Variants in BTBD3 observed in about 807,000 individuals in gnomAD.
BTBD3 encodes the protein BTB/POZ domain-containing protein 3.
Under a neutral mutation model 41.6 loss-of-function variants are expected in BTBD3, and 14 were observed. The ratio of observed to expected loss-of-function variants is 0.34; its 90% CI spans 0.22 to 0.53. The LOEUF is 0.53. Among genes scored for constraint, BTBD3 ranks in the 20% least tolerant of loss-of-function variants. BTBD3 has a pLI of 0.95. For synonymous variants in BTBD3, 249 were observed against 233.7 expected (o/e 1.07, Z -0.60); for missense variants, 426 against 654.7 (o/e 0.65, Z 3.81).
chr20:11,923,816 A>G lies in BTBD3; in HGVS notation c.*150A>G. 1.3e-6 allele frequency: 1 copy of G among 748,160 alleles called. No individual in the cohort carries two copies. Among genetic ancestry groups the G allele is most frequent in the Non-Finnish European group, 2.1e-6 (1 of 475,338 alleles). 46.3% of individuals were successfully genotyped at this position (748,160 alleles called of 1,614,324 possible). A position where few individuals can be genotyped will look rare whatever the true frequency, so the allele number is the denominator to read the frequency against. On this transcript the variant is annotated 3_prime_UTR_variant, in exon 4 of 4. Transcript: ENST00000378226. The surrounding 1 kb of genome is among the most constrained non-coding windows in gnomAD (Gnocchi z 5.3). ...GGTTCTAATTTCTTTTAACCTTTTAATTATGTACAGGCAAAAATGCAGCAT... is the reference window on the plus strand; with the variant it reads ...GGTTCTAATTTCTTTTAACCTTTTAGTTATGTACAGGCAAAAATGCAGCAT...
intron 3 of BTBD3, 104 bp from the exon 4 acceptor site, chr20:11,922,530 A>C: frequency 1.1e-6 from 1 of 945,008 alleles, no homozygotes; most frequent in Non-Finnish European, 1.6e-6. Context: ...TAACTGTCAC[A>C]TAAGATGATG....
In BTBD3 at chr20:11,918,141, C is replaced by T; in HGVS notation, c.-135C>T. Reference sequence around the variant, plus strand: ...CTATTCAACATAGTGAAAAGGTCACCTTGCCTGGCTGAGAAAAGCAGCAAA... The same window carrying T: ...CTATTCAACATAGTGAAAAGGTCACTTTGCCTGGCTGAGAAAAGCAGCAAA... On this transcript the variant is annotated 5_prime_UTR_variant, in exon 1 of 4. Coordinates refer to ENST00000378226, the MANE Select transcript of BTBD3 (RefSeq NM_014962.4). The T allele has an allele frequency of 6.8e-7, 1 of 1,479,326 alleles. No homozygotes were observed. The highest frequency in any genetic ancestry group is 8.9e-7 in the Non-Finnish European group (1 of 1,126,848). 91.6% of individuals were successfully genotyped at this position (1,479,326 alleles called of 1,614,324 possible). A position where few individuals can be genotyped will look rare whatever the true frequency, so the allele number is the denominator to read the frequency against.
chr20:11,919,659 T>C, intron 2 of BTBD3, 59 bp from the exon 3 acceptor site: 2 of 1,524,734 alleles, frequency 1.3e-6, no homozygotes, highest in Admixed American at 1.7e-5. Context: ...TTTTCTGCAT[T>C]GATTTGCTGG....
chr20:11,909,643 T>G (rs2056877511), intron 1 of BTBD3: 1 of 152,212 alleles, frequency 6.6e-6, no homozygotes, highest in South Asian at 2.1e-4. Context: ...TTCATTCTGG[T>G]CGCATACATT....
Position 11,919,402 on chromosome 20 carries a change from A to G in BTBD3, c.417+226A>G, listed in dbSNP as rs1445389738. On this transcript the variant is annotated intron_variant, in intron 2 of 3. Coordinates refer to ENST00000378226, the MANE Select transcript of BTBD3 (RefSeq NM_014962.4). Reference sequence around the variant, plus strand: ...CACACATCCCCTCTTAACTCTCCAGACATGGGAAGTTGTTGTGACAGGTCA... The same window carrying G: ...CACACATCCCCTCTTAACTCTCCAGGCATGGGAAGTTGTTGTGACAGGTCA... 5 of 1,407,542 alleles carry G rather than the reference A, an allele frequency of 3.6e-6. No individual in the cohort carries two copies. The African/African-American group carries it at 7.2e-5, about 20-fold the overall frequency. 87.2% of individuals were successfully genotyped at this position (1,407,542 alleles called of 1,614,324 possible).
At chr20:11,907,723 A>G (rs972184959) in intron 1 of BTBD3, among the ~76,000 whole-genome samples, 9 of 152,142 alleles carry the variant, frequency 5.9e-5, no homozygotes, top group Non-Finnish European at 1.3e-4. Flanking sequence ...GTAGGGTTGT[A>G]CAGAAGAAAG....
Position 11,919,719 on chromosome 20 carries a change from A to G in BTBD3, c.419A>G (p.Tyr140Cys). The change falls in exon 3 of 4, where the codon TAT (tyrosine) becomes TGT (cysteine). Residue 140 changes from tyrosine to cysteine, a missense_variant and splice_region_variant. Tyr to Cys is a radical substitution (Grantham distance 194). This residue lies in a region of BTBD3 where 321 missense variants were observed against 534.8 expected (regional missense o/e 0.60). Coordinates refer to ENST00000378226, the MANE Select transcript of BTBD3 (RefSeq NM_014962.4). ...GGTQRLPGHKYVLAVGSSVFH... is the reference protein window; with the variant it reads ...GGTQRLPGHKCVLAVGSSVFH... ...AATAAGATTTCCCTTTCTACACAGT[A>G]TGTTTTAGCTGTTGGGAGCTCTGTG... 2.5e-6 allele frequency: 4 copies of G among 1,613,320 alleles called. No homozygotes were observed. Among genetic ancestry groups the G allele is most frequent in the Non-Finnish European group, 3.4e-6 (4 of 1,179,290 alleles).
chr20:11,925,672 A>G lies in BTBD3; in HGVS notation c.*2006A>G, dbSNP rs1258704524. Reference sequence around the variant, plus strand: ...TAAATTATGGTTACACATTTCAGTAACTCATAGCTGCTGTGCAAATTGGTA... The same window carrying G: ...TAAATTATGGTTACACATTTCAGTAGCTCATAGCTGCTGTGCAAATTGGTA... On this transcript the variant is annotated 3_prime_UTR_variant, in exon 4 of 4. Transcript: ENST00000378226. 1 of 152,630 alleles carries G rather than the reference A, an allele frequency of 6.6e-6. No homozygotes were observed. Among genetic ancestry groups the G allele is most frequent in the Non-Finnish European group, 1.5e-5 (1 of 68,042 alleles). The allele number at this position is 152,630 out of a possible 1,614,324, so 9.5% of individuals were successfully genotyped here.
chr20:11,918,529 A>C lies in BTBD3; in HGVS notation c.254A>C (p.Gln85Pro), dbSNP rs1294158852. 3 of 1,614,036 alleles carry C rather than the reference A, an allele frequency of 1.9e-6. No homozygotes were observed. Among genetic ancestry groups the C allele is most frequent in the Non-Finnish European group, 2.5e-6 (3 of 1,180,010 alleles). ...SSSTSVQQYH[Q>P]QNLSNNNLIP... The stretch of plus-strand genomic sequence containing the variant: ...AGCACCAGCGTCCAGCAGTACCACC[A>C]GCAGAATCTCAGTAACAACAACCTT... The change falls in exon 1 of 4, where the codon CAG (glutamine) becomes CCG (proline). Residue 85 changes from glutamine (Q) to proline (P), a missense_variant. This residue lies in a region of BTBD3 where 52 missense variants were observed against 45.1 expected (regional missense o/e 1.15). Transcript: ENST00000378226.
chr20:11,900,853 G>A (rs983723282), intron 1 of BTBD3, among the ~76,000 whole-genome samples: 3 of 151,620 alleles, frequency 2.0e-5, no homozygotes, highest in Non-Finnish European at 2.9e-5. Context: ...GACTATAGGT[G>A]CCCGCCACCA....
chr20:11,897,597 A>T (rs1336529701), intron 1 of BTBD3, among the ~76,000 whole-genome samples: 1 of 150,772 alleles, frequency 6.6e-6, no homozygotes, highest in African/African-American at 2.4e-5. Context: ...TTCAAAATGT[A>T]TCCAGAATCA....
intron 1 of BTBD3, among the ~76,000 whole-genome samples, chr20:11,911,076 C>T (rs6131281): frequency 0.34 from 51,013 of 151,818 alleles, 9,116 homozygotes; most frequent in Non-Finnish European, 0.4. Context: ...CAAATTTTAC[C>T]GTATTTCACT....
chr20:11,899,202 C>A (rs1007938995), intron 1 of BTBD3, among the ~76,000 whole-genome samples: 2 of 152,074 alleles, frequency 1.3e-5, no homozygotes, highest in Admixed American at 6.6e-5. Context: ...GAAATAACTT[C>A]TAAGGTGATT....
Position 11,924,534 on chromosome 20 carries a change from C to G in BTBD3, c.*868C>G, listed in dbSNP as rs1249955951. The G allele has an allele frequency of 3.3e-5, 5 of 152,520 alleles. No homozygotes were observed. Among genetic ancestry groups the G allele is most frequent in the Admixed American group, 2.6e-4 (4 of 15,268 alleles). 9.4% of individuals were successfully genotyped at this position (152,520 alleles called of 1,614,324 possible). On this transcript the variant is annotated 3_prime_UTR_variant, in exon 4 of 4. Coordinates refer to ENST00000378226, the MANE Select transcript of BTBD3 (RefSeq NM_014962.4). ...ATATGCAGTTTGAAAAAGCCAAACT[C>G]TTCTCTCCACTTAGCTTTTGATCCC...
At chr20:11,918,634 G>A in intron 1 of BTBD3, 33 bp downstream of exon 1, 5 of 1,527,056 alleles carry the variant, frequency 3.3e-6, no homozygotes, top group Non-Finnish European at 4.4e-6. Flanking sequence ...TACTTTAAAA[G>A]TTTTCCTGTG....
chr20:11,913,942 T>G (rs1600240641), upstream of BTBD3, among the ~76,000 whole-genome samples: 1 of 152,212 alleles, frequency 6.6e-6, no homozygotes, highest in African/African-American at 2.4e-5. Flanking sequence ...ATTAGCTAAC[T>G]TTTTAAGTTT....
chr20:11,913,881 A>G (rs529970910), upstream of BTBD3, among the ~76,000 whole-genome samples: 43 of 152,350 alleles, frequency 2.8e-4, 1 homozygote, highest in South Asian at 7.9e-3. Context: ...GAAATAGGTT[A>G]ACAGTGATTC....
chr20:11,904,168 A>G (rs1313104527), intron 1 of BTBD3, among the ~76,000 whole-genome samples: 1 of 152,202 alleles, frequency 6.6e-6, no homozygotes, highest in East Asian at 1.9e-4. Flanking sequence ...TTTATAAAGA[A>G]AAGAGGTTTA....
At chr20:11,912,190 C>G (rs1271598867) in intron 1 of BTBD3, among the ~76,000 whole-genome samples, 1 of 152,170 alleles carries the variant, frequency 6.6e-6, no homozygotes, top group African/African-American at 2.4e-5. Flanking sequence ...TGCTGGAATT[C>G]AAACTGGGTC....
Sources: gnomAD v4.1 joint callset for allele counts (sites outside exome capture counted in the v4.1 genomes callset) on GRCh38, gnomAD v4.1.1 for gene constraint, gnomAD v4.1.1 regional missense constraint, Gnocchi (gnomAD v3.1) non-coding constraint, MANE v1.5 for transcripts, NCBI Gene and HGNC (gene_info 2026-07-23, HGNC 2026-07-21) for gene names.